The following C3 variants were observed in gnomAD, a reference collection of about 807,000 sequenced individuals.
C3 encodes C3 and PZP-like alpha-2-macroglobulin domain-containing protein 1.
C3 carries 97 observed loss-of-function variants against 207.9 expected under a neutral mutation model. The observed-to-expected ratio is 0.47, with a 90% confidence interval of 0.40 to 0.55. C3 has a LOEUF of 0.55. C3 is among the 20% of genes least tolerant of loss of function. The pLI, the probability that C3 is intolerant of heterozygous loss-of-function variation, is 0.00. For synonymous variants in C3, 848 were observed against 857.6 expected, an observed-to-expected ratio of 0.99 and a Z score of 0.20; for missense variants, 1,684 against 2,171.7, an observed-to-expected ratio of 0.78 and a Z score of 4.46.
chr19:6,701,148 C>T (rs983922379), intron 19 of C3, among the ~76,000 whole-genome samples: 7 of 152,078 alleles, frequency 4.6e-5, no homozygotes, highest in African/African-American at 1.7e-4. Flanking sequence ...TGGTTGGGGT[C>T]CTCTGGCCCT....
rs565324148 is a variant in C3 at position 6,719,706 on chromosome 19, C to T, written c.75-303G>A. 2.6e-5 allele frequency among the ~76,000 whole-genome samples: 4 copies of T among 152,220 alleles called. No individual in the cohort carries two copies. Among genetic ancestry groups the T allele is most frequent in the Admixed American group, 2.0e-4 (3 of 15,288 alleles). On this transcript the variant is annotated intron_variant, in intron 1 of 40. Transcript: ENST00000245907. The surrounding 1 kb of genome is among the most constrained non-coding windows in gnomAD (Gnocchi z 5.4). ...CCCTGAACCTTCCAACCAGCGTCAGCAACTCCTCCAAGTCTCTGGACTTCC... is the reference window on the plus strand; with the variant it reads ...CCCTGAACCTTCCAACCAGCGTCAGTAACTCCTCCAAGTCTCTGGACTTCC...
chr19:6,700,131 AATT>A (rs1328104569), intron 19 of C3, among the ~76,000 whole-genome samples: 1 of 144,278 alleles, frequency 6.9e-6, no homozygotes, highest in African/African-American at 2.5e-5. Flanking sequence ...TAATTCATTA[AATT>A]ATATTATAAT....
At chr19:6,702,767 C>T (rs1295805274) in intron 17 of C3, 188 bp from the exon 18 acceptor site, 2 of 558,482 alleles carry the variant, frequency 3.6e-6, no homozygotes, top group South Asian at 1.8e-5. Context: ...GGCACGGTGG[C>T]TCACCCCTGT....
At position 6,709,851 on chromosome 19, in the gene C3, AG is replaced by A; in HGVS notation, c.1687-10del. On this transcript the variant is annotated splice_polypyrimidine_tract_variant and intron_variant, in intron 13 of 40. Transcript: ENST00000245907. ...CCGCTTTTTACCACCAGCTGTGGGG[AG>A]GGTGGAGACGCCGAAAGAAGTCAGC... is the stretch of plus-strand genomic sequence containing the variant. The A allele has an allele frequency of 6.2e-7, 1 of 1,610,544 alleles. No individual in the cohort carries two copies. The highest frequency in any genetic ancestry group is 8.5e-7 in the Non-Finnish European group (1 of 1,178,416).
In C3 at chr19:6,685,054, G is replaced by A. The variant is rs1917966709; in HGVS notation, c.3903C>T (p.Pro1301=). The A allele has an allele frequency of 6.2e-7, 1 of 1,613,922 alleles. No homozygotes were observed. The highest frequency in any genetic ancestry group is 1.1e-5 in the South Asian group (1 of 91,072). Residue 1301 remains proline (P), a synonymous_variant, in exon 30 of 41, where the codon CCC becomes CCT. Transcript: ENST00000245907. ...GGTGGGTGATCTTGGAGCTGCGGCT[G>A]GGCAGTTGGAGGGACACATCAAGGT... ...ELNLDVSLQL[P]SRSSKITHRI...
In C3 at chr19:6,685,080, T is replaced by A; in HGVS notation, c.3877A>T (p.Asn1293Tyr). 6.2e-7 allele frequency: 1 copy of A among 1,614,064 alleles called. No homozygotes were observed. ...QKDAPDHQEL[N>Y]LDVSLQLPSR... ...GGCAGTTGGAGGGACACATCAAGGTTCAGTTCCTGGTGGTCAGGGGCGTCC... is the reference window on the plus strand; with the variant it reads ...GGCAGTTGGAGGGACACATCAAGGTACAGTTCCTGGTGGTCAGGGGCGTCC... The change falls in exon 30 of 41, where the codon AAC becomes TAC. Residue 1293 changes from asparagine to tyrosine, a missense_variant. Physicochemically the swap from Asn to Tyr is moderately radical, Grantham distance 143. Coordinates refer to ENST00000245907, the MANE Select transcript of C3 (RefSeq NM_000064.4).
chr19:6,707,434 C>T (rs377523508), intron 16 of C3, 32 bp downstream of exon 16: 4 of 1,611,914 alleles, frequency 2.5e-6, no homozygotes, highest in Non-Finnish European at 2.5e-6. Flanking sequence ...GGGTGGGGCT[C>T]GGGGGCAGGA....
chr19:6,681,801 A>G, intron 35 of C3, 140 bp downstream of exon 35: 1 of 749,066 alleles, frequency 1.3e-6, no homozygotes, highest in Non-Finnish European at 2.4e-6. Context: ...TTCCCCTACA[A>G]CTCAGCAGCA....
chr19:6,700,125 T>G (rs546231380), intron 19 of C3, among the ~76,000 whole-genome samples: 125 of 144,668 alleles, frequency 8.6e-4, no homozygotes, highest in African/African-American at 2.7e-3. Flanking sequence ...TTATTATAAT[T>G]CATTAAATTA....
rs566936323 is a variant in C3, at chr19:6,709,066, A to G, written c.1845+618T>C. 5.9e-5 allele frequency among the ~76,000 whole-genome samples: 9 copies of G among 151,834 alleles called. No individual in the cohort carries two copies. In the East Asian group the frequency reaches 1.4e-3, roughly 23 times the overall value. ...TCACTCCTGATCCCAAGCCAACCCC[A>G]TCTCCATCTTCGTCCCTACTCCGGA... On this transcript the variant is annotated intron_variant, in intron 14 of 40. Coordinates refer to ENST00000245907, the MANE Select transcript of C3 (RefSeq NM_000064.4).
intron 24 of C3, among the ~76,000 whole-genome samples, chr19:6,693,807 G>A (rs552615412): frequency 2.0e-4 from 30 of 152,136 alleles, no homozygotes; most frequent in African/African-American, 7.0e-4. Flanking sequence ...TGGGGCCTCA[G>A]ATGAGAGTGG....
chr19:6,712,669 G>A (rs1273853257), intron 9 of C3, 46 bp from the exon 10 acceptor site: 1 of 1,491,874 alleles, frequency 6.7e-7, no homozygotes, highest in East Asian at 2.3e-5. Context: ...CACCCCTCAG[G>A]ATTAGACCTC....
In C3 at chr19:6,707,250, G is replaced by A. The variant is rs1967799824; in HGVS notation, c.2071C>T (p.Arg691Cys). The A allele has an allele frequency of 1.9e-6, 3 of 1,611,774 alleles. No homozygotes were observed. Among genetic ancestry groups the A allele is most frequent in the Non-Finnish European group, 1.7e-6 (2 of 1,179,066 alleles). The change falls in exon 17 of 41, where the codon CGC becomes TGC. Residue 691 changes from arginine (R) to cysteine (C), a missense_variant. Transcript: ENST00000245907. ...DKVGKYPKEL[R>C]KCCEDGMREN... ...CGCATGCCGTCCTCGCAGCACTTGCGCAGCTCCTTGGGGTACTTGCCGACT... is the reference window on the plus strand; with the variant it reads ...CGCATGCCGTCCTCGCAGCACTTGCACAGCTCCTTGGGGTACTTGCCGACT...
At chr19:6,697,160 G>A (rs529771075) in intron 21 of C3, among the ~76,000 whole-genome samples, 184 bp downstream of exon 21, 15 of 151,674 alleles carry the variant, frequency 9.9e-5, no homozygotes, top group African/African-American at 3.6e-4. Context: ...TAAGCCTGGG[G>A]TCATCTCACT....
In C3 at chr19:6,677,840, T is replaced by TA; in HGVS notation, c.*41dup. On this transcript the variant is annotated 3_prime_UTR_variant, in exon 41 of 41. Transcript: ENST00000245907. ...GGCAAAGAACTCCAGACACGTGAGATATAACTGAAGCTTTATCTGGAGTGG... is the reference window on the plus strand; with the variant it reads ...GGCAAAGAACTCCAGACACGTGAGATAATAACTGAAGCTTTATCTGGAGTGG... 1 of 1,612,392 alleles carries TA rather than the reference T, an allele frequency of 6.2e-7. No homozygotes were observed. The highest frequency in any genetic ancestry group is 8.5e-7 in the Non-Finnish European group (1 of 1,179,432).
chr19:6,708,157 G>A (rs1426149362), intron 14 of C3, among the ~76,000 whole-genome samples: 1 of 150,494 alleles, frequency 6.6e-6, no homozygotes, highest in Non-Finnish European at 1.5e-5. Flanking sequence ...TTTCTTTCGA[G>A]ATGGAGTCTT....
At chr19:6,690,867 T>G in intron 26 of C3, 140 bp from the exon 27 acceptor site, 1 of 707,396 alleles carries the variant, frequency 1.4e-6, no homozygotes, top group East Asian at 2.7e-5. Flanking sequence ...CCTAGGAAGG[T>G]CAAACTTCTT....
chr19:6,710,192 GGGAAAGAGAGA>G (rs1443909224), intron 13 of C3, among the ~76,000 whole-genome samples: 3 of 111,778 alleles, frequency 2.7e-5, no homozygotes, highest in African/African-American at 9.9e-5. Flanking sequence ...GAGAGAGAGA[GGGAAAGAGAGA>G]AGGAGAGAAA....
chr19:6,718,477 G>A (rs1021149137), intron 2 of C3, 65 bp from the exon 3 acceptor site: 4 of 1,593,870 alleles, frequency 2.5e-6, no homozygotes, highest in East Asian at 2.2e-5. Flanking sequence ...TCCAGCTTCC[G>A]GATCTTGGGC....
Sources: gnomAD v4.1 joint callset for allele counts (sites outside exome capture counted in the v4.1 genomes callset) on GRCh38, gnomAD v4.1.1 for gene constraint, Gnocchi (gnomAD v3.1) non-coding constraint, MANE v1.5 for transcripts, NCBI Gene and HGNC (gene_info 2026-07-23, HGNC 2026-07-21) for gene names.